CYBB: variants seen among roughly 807,000 people sequenced by gnomAD.
CYBB encodes NADPH oxidase 2.
Under a neutral mutation model 46.5 loss-of-function variants are expected in CYBB, and 5 were observed. The observed-to-expected ratio is 0.11, with a 90% confidence interval of 0.06 to 0.23. The LOEUF (loss-of-function observed/expected upper bound fraction) is 0.23. Ranked by LOEUF, CYBB falls within the 10% of genes least tolerant of loss-of-function variation. The pLI, the probability that CYBB is intolerant of heterozygous loss-of-function variation, is 1.00. For synonymous variants in CYBB, 183 were observed against 156.7 expected, an observed-to-expected ratio of 1.17 and a Z score of -1.26; for missense variants, 307 against 428.3, an observed-to-expected ratio of 0.72 and a Z score of 2.50.
In CYBB at chrX:37,810,650, T is replaced by C; in HGVS notation, c.1587-141T>C. On this transcript the variant is annotated intron_variant, in intron 12 of 12. Coordinates refer to ENST00000378588, the MANE Select transcript of CYBB (RefSeq NM_000397.4). ...ACCACACTCCCTCTGAGCAATATGA[T>C]CCCTTTGCTATTTGTGGAAAAGAAA... 8.8e-6 allele frequency: 5 copies of C among 567,980 alleles called. No homozygotes were observed. In the South Asian group the frequency reaches 1.2e-4, roughly 14 times the overall value. 46.8% of individuals were successfully genotyped at this position (567,980 alleles called of 1,213,427 possible).
Position 37,783,840 on chromosome X carries a change from A to G in CYBB, c.252+240A>G, listed in dbSNP as rs1929004636. 4.5e-5 allele frequency among the ~76,000 whole-genome samples: 5 copies of G among 110,969 alleles called. No homozygotes were observed. In the Admixed American group the frequency reaches 4.8e-4, roughly 11 times the overall value. On this transcript the variant is annotated intron_variant, in intron 3 of 12. Coordinates refer to ENST00000378588, the MANE Select transcript of CYBB (RefSeq NM_000397.4). The stretch of plus-strand genomic sequence containing the variant: ...AACCACCTATACCTCAACAGTAGCA[A>G]TGAAGTAGCACACACGTACACGTTT...
intron 8 of CYBB, among the ~76,000 whole-genome samples, 162 bp from the exon 9 acceptor site, chrX:37,803,715 G>A (rs1197757570): frequency 9.0e-6 from 1 of 111,407 alleles, no homozygotes; most frequent in Non-Finnish European, 1.9e-5. Flanking sequence ...ACAACTGAGG[G>A]CAATTCCCTG....
At chrX:37,799,665 G>A (rs782257502) in intron 7 of CYBB, among the ~76,000 whole-genome samples, 1 of 111,714 alleles carries the variant, frequency 9.0e-6, no homozygotes, top group African/African-American at 3.2e-5. Context: ...GGTGACCAAG[G>A]AAATACATGG....
rs1556471174 is a variant in CYBB at position 37,805,061 on chromosome X, G to T, written c.1207G>T (p.Val403Leu). 8.3e-7 allele frequency: 1 copy of T among 1,211,550 alleles called. No homozygotes were observed. The highest frequency in any genetic ancestry group is 3.0e-5 in the East Asian group (1 of 33,834). ...TASEDVFSYE[V>L]VMLVGAGIGV... is the part of the protein sequence containing the mutation. ...CAGTGAAGATGTGTTCAGCTATGAGGTGGTGATGTTAGTGGGAGCAGGGAT... is the reference window on the plus strand; with the variant it reads ...CAGTGAAGATGTGTTCAGCTATGAGTTGGTGATGTTAGTGGGAGCAGGGAT... The change falls in exon 10 of 13, where the codon GTG becomes TTG. Residue 403 changes from valine to leucine, a missense_variant. Transcript: ENST00000378588.
chrX:37,793,890 C>A lies in CYBB; in HGVS notation c.483+80C>A, dbSNP rs35337171. 5 of 975,558 alleles carry A rather than the reference C, an allele frequency of 5.1e-6. No homozygotes were observed. The East Asian group carries it at 9.4e-5, about 18-fold the overall frequency. 80.4% of individuals were successfully genotyped at this position (975,558 alleles called of 1,213,427 possible). Reference sequence around the variant, plus strand: ...TAGATTTCAGTGAGTGAAGACCTCTCCTTTGCCAAAAAAAAAAAAAGTTGG... The same window carrying A: ...TAGATTTCAGTGAGTGAAGACCTCTACTTTGCCAAAAAAAAAAAAAGTTGG... On this transcript the variant is annotated intron_variant, in intron 5 of 12. Coordinates refer to ENST00000378588, the MANE Select transcript of CYBB (RefSeq NM_000397.4).
chrX:37,795,342 T>C (rs1929278015), intron 5 of CYBB, among the ~76,000 whole-genome samples: 1 of 111,636 alleles, frequency 9.0e-6, no homozygotes, highest in African/African-American at 3.3e-5. Context: ...AAGTTGTAAC[T>C]TACCCTCCAG....
chrX:37,789,466 AGAAAGAAG>A (rs1556466271), intron 3 of CYBB, among the ~76,000 whole-genome samples: 6 of 99,855 alleles, frequency 6.0e-5, no homozygotes, highest in Non-Finnish European at 1.0e-4. Flanking sequence ...AGCCAAAGAA[AGAAAGAAG>A]GAAAGAAAGA....
At chrX:37,782,046 T>C (rs1556464532) in intron 1 of CYBB, 42 bp from the exon 2 acceptor site, 2 of 1,068,887 alleles carry the variant, frequency 1.9e-6, no homozygotes, top group South Asian at 3.7e-5. Flanking sequence ...GAATCTACTG[T>C]GGAAATGCGG....
At chrX:37,800,921 A>C (rs1258900289) in intron 7 of CYBB, among the ~76,000 whole-genome samples, 1 of 112,237 alleles carries the variant, frequency 8.9e-6, no homozygotes, top group Non-Finnish European at 1.9e-5. Context: ...TTAATTCTGA[A>C]ACCAACCTTG....
chrX:37,803,854 C>G (rs1393876846), intron 8 of CYBB, 23 bp from the exon 9 acceptor site: 1 of 1,205,981 alleles, frequency 8.3e-7, no homozygotes, highest in African/African-American at 1.8e-5. Flanking sequence ...ATGTCATTTC[C>G]AGACATATGT....
At chrX:37,781,601 G>C (rs1230155319) in intron 1 of CYBB, among the ~76,000 whole-genome samples, 2 of 111,798 alleles carry the variant, frequency 1.8e-5, no homozygotes, top group African/African-American at 6.5e-5. Flanking sequence ...ACTAATCAAG[G>C]AAAATGGAAG....
intron 4 of CYBB, among the ~76,000 whole-genome samples, chrX:37,792,626 G>A (rs1556467295): frequency 9.0e-6 from 1 of 110,769 alleles, no homozygotes; most frequent in Non-Finnish European, 1.9e-5. Flanking sequence ...AGTGCAAGAA[G>A]GGCTGTATTT....
intron 12 of CYBB, 58 bp from the exon 13 acceptor site, chrX:37,810,733 G>T: frequency 8.6e-7 from 1 of 1,166,144 alleles, no homozygotes; most frequent in South Asian, 1.8e-5. Flanking sequence ...TCACCTACCT[G>T]CTTTGTAGAC....
At chrX:37,804,251 T>C (rs1360453701) in intron 9 of CYBB, 121 bp downstream of exon 9, 1 of 708,786 alleles carries the variant, frequency 1.4e-6, no homozygotes, top group Non-Finnish European at 2.2e-6. Flanking sequence ...AGAATATAGG[T>C]AGCTATTTCT....
chrX:37,802,179 C>A (rs1321010261), intron 8 of CYBB, among the ~76,000 whole-genome samples: 1 of 111,631 alleles, frequency 9.0e-6, no homozygotes, highest in East Asian at 2.8e-4. Flanking sequence ...TCCTCATTTG[C>A]TGTCTATGGT....
chrX:37,809,275 TC>T (rs1363854167), intron 11 of CYBB, among the ~76,000 whole-genome samples: 1 of 112,127 alleles, frequency 8.9e-6, no homozygotes, highest in Non-Finnish European at 1.9e-5. Flanking sequence ...CCCTAACCCT[TC>T]CCCTATTCTT....
chrX:37,791,889 A>G, intron 3 of CYBB, 86 bp from the exon 4 acceptor site: 2 of 689,562 alleles, frequency 2.9e-6, no homozygotes, highest in Non-Finnish European at 4.7e-6. Flanking sequence ...TGAAAATTAA[A>G]TGAGATAATA....
At chrX:37,787,533 G>A in intron 3 of CYBB, among the ~76,000 whole-genome samples, 1 of 111,805 alleles carries the variant, frequency 8.9e-6, no homozygotes, top group Non-Finnish European at 1.9e-5. Context: ...TATTGAAATC[G>A]GGCAAGGCTT....
intron 3 of CYBB, among the ~76,000 whole-genome samples, chrX:37,786,474 T>C (rs5964099): frequency 0.31 from 34,122 of 110,744 alleles, 5,892 homozygotes; most frequent in African/African-American, 0.68. Flanking sequence ...TACAAGGACT[T>C]AATAGTAGGA....
Sources: gnomAD v4.1 joint callset for allele counts (sites outside exome capture counted in the v4.1 genomes callset) on GRCh38, gnomAD v4.1.1 for gene constraint, MANE v1.5 for transcripts, NCBI Gene and HGNC (gene_info 2026-07-23, HGNC 2026-07-21) for gene names.